The following DNAAF2 variants were observed in gnomAD, a reference collection of about 807,000 sequenced individuals.
DNAAF2 encodes dynein axonemal assembly factor 2.
Under a neutral mutation model 48.8 loss-of-function variants are expected in DNAAF2, and 58 were observed. The observed-to-expected ratio is 1.19, with a 90% confidence interval of 0.96 to 1.48. DNAAF2 has a LOEUF of 1.48. Among genes scored for constraint, DNAAF2 ranks in the 40% most tolerant of loss-of-function variants. The probability of loss-of-function intolerance (pLI) is 0.00; values close to 1 mark genes in which losing one functional copy is unlikely to be tolerated. For missense variants in DNAAF2, 1,241 were observed against 1,116.1 expected (o/e 1.11, Z -1.59); for synonymous variants, 567 against 481.2 (o/e 1.18, Z -2.33).
chr14:49,630,669 C>CTCCACACA (rs1555327684), intron 1 of DNAAF2, among the ~76,000 whole-genome samples: 1 of 132,486 alleles, frequency 7.5e-6, no homozygotes, highest in Non-Finnish European at 1.6e-5. Flanking sequence ...AACTCTCTCT[C>CTCCACACA]CACACACACA....
At position 49,634,294 on chromosome 14, in the gene DNAAF2, T is replaced by C; in HGVS notation, c.856A>G (p.Thr286Ala). 1 of 1,612,076 alleles carries C rather than the reference T, an allele frequency of 6.2e-7. No individual in the cohort carries two copies. The highest frequency in any genetic ancestry group is 8.5e-7 in the Non-Finnish European group (1 of 1,179,766). Residue 286 changes from threonine (T) to alanine (A), a missense_variant, in exon 1 of 3, where the codon ACC (threonine) becomes GCC (alanine). By Grantham distance (58) the Thr-to-Ala change is moderately conservative (BLOSUM62 0). Coordinates refer to ENST00000298292, the MANE Select transcript of DNAAF2 (RefSeq NM_018139.3). ...GAGCGCAACAGCGGCAGTTCGATGGTGATCACCAGCTCATGGGGCACGGGG... is the reference window on the plus strand; with the variant it reads ...GAGCGCAACAGCGGCAGTTCGATGGCGATCACCAGCTCATGGGGCACGGGG... ...PSPVPHELVI[T>A]IELPLLRSAE...
At chr14:49,627,553 C>A (rs115026721) in intron 2 of DNAAF2, among the ~76,000 whole-genome samples, 1,548 of 152,162 alleles carry the variant, frequency 0.01, 39 homozygotes, top group African/African-American at 0.035. Context: ...ATAATACATA[C>A]ACAGACAAAA....
intron 2 of DNAAF2, among the ~76,000 whole-genome samples, chr14:49,626,786 G>T: frequency 7.4e-6 from 1 of 134,556 alleles, no homozygotes; most frequent in Non-Finnish European, 1.6e-5. Flanking sequence ...ATCACGACTA[G>T]TCTGCTGCCA....
intron 1 of DNAAF2, among the ~76,000 whole-genome samples, chr14:49,630,438 T>G (rs2139576733): frequency 6.6e-6 from 1 of 152,196 alleles, no homozygotes; most frequent in East Asian, 1.9e-4. Context: ...AATTAATTTA[T>G]AAAAGCAGTT....
chr14:49,634,632 T>C lies in DNAAF2; in HGVS notation c.518A>G (p.Glu173Gly), dbSNP rs1047195978. The C allele has an allele frequency of 3.7e-6, 6 of 1,607,070 alleles. No individual in the cohort carries two copies. The East Asian group carries it at 1.3e-4, about 36-fold the overall frequency. Residue 173 changes from glutamate (E) to glycine (G), a missense_variant, in exon 1 of 3, where the codon GAG becomes GGG. Physicochemically the swap from Glu to Gly is moderately conservative, Grantham distance 98. Coordinates refer to ENST00000298292, the MANE Select transcript of DNAAF2 (RefSeq NM_018139.3). ...GTCCAGCTTCACGCCGAACTGCTTCTCGACGGCCTCCAGGGCCGTGGCGTC... is the reference window on the plus strand; with the variant it reads ...GTCCAGCTTCACGCCGAACTGCTTCCCGACGGCCTCCAGGGCCGTGGCGTC... ...MLDATALEAV[E>G]KQFGVKLDRR...
chr14:49,628,889 TTG>T (rs1275527019), intron 1 of DNAAF2, among the ~76,000 whole-genome samples: 3 of 152,212 alleles, frequency 2.0e-5, no homozygotes, highest in African/African-American at 7.2e-5. Flanking sequence ...TATTCAAATT[TTG>T]TGTGACCTTT....
intron 2 of DNAAF2, among the ~76,000 whole-genome samples, chr14:49,627,577 TG>T (rs1488494826): frequency 1.3e-5 from 2 of 152,128 alleles, no homozygotes; most frequent in Non-Finnish European, 2.9e-5. Flanking sequence ...TTTTCTTGGC[TG>T]GGCGCGGTGG....
chr14:49,633,813 G>T lies in DNAAF2; in HGVS notation c.1337C>A (p.Ser446Ter). 1 of 1,585,814 alleles carries T rather than the reference G, an allele frequency of 6.3e-7. No homozygotes were observed. The highest frequency in any genetic ancestry group is 8.5e-7 in the Non-Finnish European group (1 of 1,173,500). ...GEQDLSRHAGSPPGSVEEPSP... is the reference protein window; with the variant it reads ...GEQDLSRHAG ...TGGCTCCTCCACGCTGCCCGGCGGT[G>T]ACCCCGCGTGCCTGCTCAAGTCCTG... Residue 446 changes from serine (S) to a stop codon, truncating the protein, a stop_gained, in exon 1 of 3, where the codon TCA becomes TAA. Coordinates refer to ENST00000298292, the MANE Select transcript of DNAAF2 (RefSeq NM_018139.3). LOFTEE classifies it high-confidence loss of function.
rs756448105 is a variant in DNAAF2, at chr14:49,634,678, C to T, written c.472G>A (p.Glu158Lys). The T allele has an allele frequency of 5.6e-6, 9 of 1,606,384 alleles. No individual in the cohort carries two copies. The highest frequency in any genetic ancestry group is 4.4e-5 in the South Asian group (4 of 91,070). The change falls in exon 1 of 3, where the codon GAG (glutamate) becomes AAG (lysine). Residue 158 changes from glutamate (E) to lysine (K), a missense_variant. By Grantham distance (56) the Glu-to-Lys change is moderately conservative. Transcript: ENST00000298292. ...PDALALARRHEGFRQMLDATA... is the reference protein window; with the variant it reads ...PDALALARRHKGFRQMLDATA... ...GCGTCCAGCATCTGGCGGAAGCCCT[C>T]GTGCCGCCGGGCCAGCGCAAGCGCG...
Position 49,634,821 on chromosome 14 carries a change from T to C in DNAAF2, c.329A>G (p.Asp110Gly), listed in dbSNP as rs563306994. Residue 110 changes from aspartate (D) to glycine (G), a missense_variant, in exon 1 of 3, where the codon GAC becomes GGC. Coordinates refer to ENST00000298292, the MANE Select transcript of DNAAF2 (RefSeq NM_018139.3). ...GTGGCTGCCAGGAGCTGCGCCCCGGTCGCCACCGGAGCCGGGCCGGCTGCT... is the reference window on the plus strand; with the variant it reads ...GTGGCTGCCAGGAGCTGCGCCCCGGCCGCCACCGGAGCCGGGCCGGCTGCT... ...APSSRPGSGG[D>G]RGAAPGSHWS... 13 of 1,548,072 alleles carry C rather than the reference T, an allele frequency of 8.4e-6. No individual in the cohort carries two copies. In the East Asian group the frequency reaches 2.9e-4, roughly 35 times the overall value.
Position 49,628,131 on chromosome 14 carries a change from T to C in DNAAF2, c.1888A>G (p.Asn630Asp), listed in dbSNP as rs1222698212. 1 of 1,590,514 alleles carries C rather than the reference T, an allele frequency of 6.3e-7. No homozygotes were observed. Reference sequence around the variant, plus strand: ...ACCTCTTCAAGAAACTCATTAACATTTTCTTCATTGACAAATAACCTTTCC... The same window carrying C: ...ACCTCTTCAAGAAACTCATTAACATCTTCTTCATTGACAAATAACCTTTCC... ...LEERLFVNEE[N>D]VNEFLEEVLS... Residue 630 changes from asparagine to aspartate, a missense_variant, in exon 2 of 3, where the codon AAT becomes GAT. Coordinates refer to ENST00000298292, the MANE Select transcript of DNAAF2 (RefSeq NM_018139.3).
intron 2 of DNAAF2, among the ~76,000 whole-genome samples, chr14:49,626,486 CAAAAAAAG>C (rs1236980663): frequency 1.3e-5 from 2 of 151,732 alleles, no homozygotes; most frequent in African/African-American, 4.8e-5. Flanking sequence ...AAGACCCTGT[CAAAAAAAG>C]AAAAAGACAG....
At chr14:49,631,396 C>A (rs1011941727) in intron 1 of DNAAF2, among the ~76,000 whole-genome samples, 1 of 152,052 alleles carries the variant, frequency 6.6e-6, no homozygotes, top group Non-Finnish European at 1.5e-5. Context: ...GAGGCCGAGG[C>A]GGGTGGATCA....
At position 49,634,835 on chromosome 14, in the gene DNAAF2, G is replaced by C. The variant is rs899878401; in HGVS notation, c.315C>G (p.Pro105=). Residue 105 remains proline (P), a synonymous_variant, in exon 1 of 3, where the codon CCC becomes CCG. Coordinates refer to ENST00000298292, the MANE Select transcript of DNAAF2 (RefSeq NM_018139.3). ...CTGCGCCCCGGTCGCCACCGGAGCCGGGCCGGCTGCTGGGCGCGCCCACCA... is the reference window on the plus strand; with the variant it reads ...CTGCGCCCCGGTCGCCACCGGAGCCCGGCCGGCTGCTGGGCGCGCCCACCA... ...NALVGAPSSR[P]GSGGDRGAAP... 5.2e-5 allele frequency: 81 copies of C among 1,545,534 alleles called. No individual in the cohort carries two copies. The highest frequency in any genetic ancestry group is 6.8e-5 in the Non-Finnish European group (78 of 1,146,322).
rs34085502 is a variant in DNAAF2 at position 49,626,799 on chromosome 14, C to CTTTTTTT, written c.2008-758_2008-752dup. 4.4e-4 allele frequency among the ~76,000 whole-genome samples: 28 copies of CTTTTTTT among 63,408 alleles called. 2 individuals carry two copies. Among genetic ancestry groups the CTTTTTTT allele is most frequent in the African/African-American group, 7.7e-4 (11 of 14,316 alleles). 41.6% of individuals were successfully genotyped at this position (63,408 alleles called of 152,430 possible). On this transcript the variant is annotated intron_variant, in intron 2 of 2. Coordinates refer to ENST00000298292, the MANE Select transcript of DNAAF2 (RefSeq NM_018139.3). ...CCATCACGACTAGTCTGCTGCCAGT[C>CTTTTTTT]TTTTTTTTTTTTTTTTTTTTTTTTG...
At chr14:49,626,799 CTTTTTTT>C (rs34085502) in intron 2 of DNAAF2, among the ~76,000 whole-genome samples, 1 of 63,384 alleles carries the variant, frequency 1.6e-5, no homozygotes, top group African/African-American at 7.0e-5. Flanking sequence ...TGCTGCCAGT[CTTTTTTT>C]TTTTTTTTTT....
chr14:49,634,871 G>A lies in DNAAF2; in HGVS notation c.279C>T (p.Cys93=). 3 of 1,548,590 alleles carry A rather than the reference G, an allele frequency of 1.9e-6. No homozygotes were observed. Among genetic ancestry groups the A allele is most frequent in the Non-Finnish European group, 2.6e-6 (3 of 1,146,240 alleles). Reference sequence around the variant, plus strand: ...TGGGCGCGCCCACCAACGCGTTGCTGCAGACATTCACAAAGCAGCGCCGCG... The same window carrying A: ...TGGGCGCGCCCACCAACGCGTTGCTACAGACATTCACAAAGCAGCGCCGCG... The part of the protein sequence containing the change: ...DGARRCFVNV[C]SNALVGAPSS... Residue 93 remains cysteine, a synonymous_variant, in exon 1 of 3, where the codon TGC becomes TGT. Transcript: ENST00000298292.
chr14:49,627,868 A>AG (rs1883050654), intron 2 of DNAAF2, 144 bp downstream of exon 2: 1 of 881,000 alleles, frequency 1.1e-6, no homozygotes, highest in East Asian at 3.3e-5. Flanking sequence ...AAAAAAAAAA[A>AG]GAAAAACTTT....
chr14:49,627,890 C>T, intron 2 of DNAAF2, 122 bp downstream of exon 2: 1 of 970,216 alleles, frequency 1.0e-6, no homozygotes, highest in Non-Finnish European at 1.5e-6. Flanking sequence ...CTTCTCTTAA[C>T]ATCACTCTGC....
Sources: gnomAD v4.1 joint callset for allele counts (sites outside exome capture counted in the v4.1 genomes callset) on GRCh38, gnomAD v4.1.1 for gene constraint, MANE v1.5 for transcripts, NCBI Gene and HGNC (gene_info 2026-07-23, HGNC 2026-07-21) for gene names.